The following ZC3H13 variants were observed in gnomAD, a reference collection of about 807,000 sequenced individuals.
ZC3H13 encodes the protein zinc finger CCCH-type containing 13.
Under a neutral mutation model 204.1 loss-of-function variants are expected in ZC3H13, and 64 were observed. That is an observed-to-expected ratio of 0.31 (90% CI 0.26 to 0.39). The LOEUF is 0.39. Ranked by LOEUF, ZC3H13 falls within the 10% of genes least tolerant of loss-of-function variation. The pLI is 1.00. For missense variants in ZC3H13, 1,833 were observed against 2,082.7 expected (o/e 0.88, Z 2.33); for synonymous variants, 667 against 693.7 (o/e 0.96, Z 0.60).
intron 18 of ZC3H13, among the ~76,000 whole-genome samples, chr13:45,958,508 C>T (rs925606837): frequency 4.6e-5 from 7 of 152,122 alleles, no homozygotes; most frequent in Non-Finnish European, 1.0e-4. Context: ...TTGAGCATCC[C>T]TATCTAAGAA....
At chr13:45,983,411 A>ATT (rs1566202037) in intron 10 of ZC3H13, among the ~76,000 whole-genome samples, 7 of 20,642 alleles carry the variant, frequency 3.4e-4, no homozygotes, top group Admixed American at 7.7e-4. Flanking sequence ...TTATATATAT[A>ATT]TATTTTTTTT....
At chr13:45,984,220 C>G (rs1029574467) in intron 10 of ZC3H13, among the ~76,000 whole-genome samples, 1 of 152,010 alleles carries the variant, frequency 6.6e-6, no homozygotes, top group Non-Finnish European at 1.5e-5. Context: ...TTTTGTAAAA[C>G]CAGAGGGGAA....
At chr13:46,038,108 G>C (rs981297176) in intron 4 of ZC3H13, among the ~76,000 whole-genome samples, 1 of 152,130 alleles carries the variant, frequency 6.6e-6, no homozygotes, top group Non-Finnish European at 1.5e-5. Flanking sequence ...TTTCTCTATT[G>C]CTAAACTGTG....
Position 46,052,738 on chromosome 13 carries a change from CAG to C in ZC3H13, c.-346_-345del. The stretch of plus-strand genomic sequence containing the variant: ...ACCGCCTCAAAATGCCGCCGGAAGT[CAG>C]AGGTTTGCCCTGTTCCTCTGTAGAC... On this transcript the variant is annotated 5_prime_UTR_variant, in exon 1 of 19. Transcript: ENST00000679008. The C allele has an allele frequency of 2.5e-6, 1 of 397,386 alleles. No individual in the cohort carries two copies. The highest frequency in any genetic ancestry group is 4.4e-6 in the Non-Finnish European group (1 of 225,490). The allele number at this position is 397,386 out of a possible 1,614,324, so 24.6% of individuals were successfully genotyped here. A position where few individuals can be genotyped will look rare whatever the true frequency, so the allele number is the denominator to read the frequency against.
chr13:46,011,575 A>G (rs1461603162), intron 5 of ZC3H13, 21 bp from the exon 6 acceptor site: 1 of 1,525,736 alleles, frequency 6.6e-7, no homozygotes, highest in Admixed American at 2.1e-5. Context: ...AAATTGCATT[A>G]CTGTTAGAAA....
rs2041472165 is a variant in ZC3H13 at position 46,010,466 on chromosome 13, G to A, written c.628C>T (p.Pro210Ser). Residue 210 changes from proline (P) to serine (S), a missense_variant, in exon 7 of 19, where the codon CCT (proline) becomes TCT (serine). Around this residue, in one of 5 missense-constraint regions of ZC3H13, gnomAD observed 1,574 missense variants for 1,757.2 expected, o/e 0.90. Coordinates refer to ENST00000679008, the MANE Select transcript of ZC3H13 (RefSeq NM_001330564.2). ...EVVRSKLSPS[P>S]SLRKSSKSPK... is the part of the protein sequence containing the mutation. ...GATTTGCTAGACTTTCTTAGAGAAGGTGACGGGGACAATTTTGATCTAACC... is the reference window on the plus strand; with the variant it reads ...GATTTGCTAGACTTTCTTAGAGAAGATGACGGGGACAATTTTGATCTAACC... The A allele has an allele frequency of 6.2e-7, 1 of 1,613,668 alleles. No individual in the cohort carries two copies. The highest frequency in any genetic ancestry group is 1.3e-5 in the African/African-American group (1 of 75,002).
chr13:46,020,781 A>G (rs1274218162), intron 4 of ZC3H13, among the ~76,000 whole-genome samples: 3 of 152,112 alleles, frequency 2.0e-5, no homozygotes, highest in African/African-American at 7.2e-5. Context: ...ACTACTAAAC[A>G]ACAAAAACTA....
chr13:46,003,342 G>T lies in ZC3H13; in HGVS notation c.747-6C>A. ...TTTGGTTGGTTTTTGAATTTCTGAA[G>T]GTAACAAAAAGCTATCATTAGAGGT... On this transcript the variant is annotated splice_region_variant and splice_polypyrimidine_tract_variant and intron_variant, in intron 7 of 18. Coordinates refer to ENST00000679008, the MANE Select transcript of ZC3H13 (RefSeq NM_001330564.2). 1 of 1,602,494 alleles carries T rather than the reference G, an allele frequency of 6.2e-7. No homozygotes were observed. Among genetic ancestry groups the T allele is most frequent in the East Asian group, 2.2e-5 (1 of 44,708 alleles).
At chr13:45,979,713 A>G in intron 11 of ZC3H13, 100 bp downstream of exon 11, 9 of 1,195,488 alleles carry the variant, frequency 7.5e-6, no homozygotes, top group Non-Finnish European at 1.0e-5. Flanking sequence ...CACAAGCCTT[A>G]AAGTATATTT....
Position 45,969,460 on chromosome 13 carries a change from TTTC to T in ZC3H13, c.3081_3083del (p.Lys1028del), listed in dbSNP as rs774599452. 6.2e-7 allele frequency: 1 copy of T among 1,613,492 alleles called. No homozygotes were observed. Among genetic ancestry groups the T allele is most frequent in the East Asian group, 2.2e-5 (1 of 44,872 alleles). On this transcript the variant is annotated inframe_deletion, in exon 14 of 19. Transcript: ENST00000679008. ...TTATAGGGGGAGTCCGTGGGCCTCT[TTTC>T]TTCTTACTTTGCTGGGCTGCTTCTT...
chr13:46,043,688 AAG>A (rs1390731182), intron 3 of ZC3H13, among the ~76,000 whole-genome samples: 1 of 152,018 alleles, frequency 6.6e-6, no homozygotes, highest in African/African-American at 2.4e-5. Context: ...ACAAATACGA[AAG>A]AAGTTATCAG....
Position 45,985,519 on chromosome 13 carries a change from A to G in ZC3H13, c.1498T>C (p.Ser500Pro). Residue 500 changes from serine to proline, a missense_variant, in exon 10 of 19, where the codon TCC (serine) becomes CCC (proline). Physicochemically the swap from Ser to Pro is moderately conservative, Grantham distance 74. Transcript: ENST00000679008. ...CTGTAGTCATGGGCATCACGAGTGG[A>G]CCGAGAATCTCTGGGATCACGGCTC... is the stretch of plus-strand genomic sequence containing the variant. Reference protein sequence around the residue: ...KESRDPRDSRSTRDAHDYRDR... With the variant: ...KESRDPRDSRPTRDAHDYRDR... 6.2e-7 allele frequency: 1 copy of G among 1,614,174 alleles called. No individual in the cohort carries two copies. Among genetic ancestry groups the G allele is most frequent in the Non-Finnish European group, 8.5e-7 (1 of 1,180,024 alleles).
intron 5 of ZC3H13, among the ~76,000 whole-genome samples, chr13:46,018,443 G>A (rs1293279610): frequency 6.6e-6 from 1 of 152,084 alleles, no homozygotes; most frequent in Admixed American, 6.6e-5. Context: ...AGATATAGAA[G>A]AGAGTGTATC....
chr13:46,014,523 T>C (rs972805144), intron 5 of ZC3H13, among the ~76,000 whole-genome samples: 5 of 152,256 alleles, frequency 3.3e-5, no homozygotes, highest in African/African-American at 1.2e-4. Flanking sequence ...ATGCTAATTA[T>C]ATTTAACCTT....
At chr13:45,992,727 A>T (rs2040051709) in intron 8 of ZC3H13, among the ~76,000 whole-genome samples, 1 of 152,192 alleles carries the variant, frequency 6.6e-6, no homozygotes, top group Non-Finnish European at 1.5e-5. Context: ...TGAAATCAGT[A>T]AACTGAGTAA....
chr13:45,969,340 A>G lies in ZC3H13; in HGVS notation c.3204T>C (p.Ser1068=). Residue 1068 remains serine (S), a synonymous_variant, in exon 14 of 19, where the codon TCT becomes TCC. Coordinates refer to ENST00000679008, the MANE Select transcript of ZC3H13 (RefSeq NM_001330564.2). The stretch of plus-strand genomic sequence containing the variant: ...CTGTACGGTCAGGGACATCCTCATC[A>G]GACCAGTCACTGAATGCTGTATCTT... ...KKEDTAFSDW[S]DEDVPDRTEV... 6.2e-7 allele frequency: 1 copy of G among 1,614,014 alleles called. No homozygotes were observed. The highest frequency in any genetic ancestry group is 1.1e-5 in the South Asian group (1 of 91,082).
rs1252594724 is a variant in ZC3H13 at position 45,959,650 on chromosome 13, T to C, written c.4676-4A>G. The C allele has an allele frequency of 6.6e-7, 1 of 1,506,044 alleles. No individual in the cohort carries two copies. Among genetic ancestry groups the C allele is most frequent in the East Asian group, 2.5e-5 (1 of 39,286 alleles). 93.3% of individuals were successfully genotyped at this position (1,506,044 alleles called of 1,614,324 possible). A position where few individuals can be genotyped will look rare whatever the true frequency, so the allele number is the denominator to read the frequency against. ...TGTTCAAAGAGATTGTCTGCATCTTTCAAAAAAAAGTAAACATGCATTAAG... is the reference window on the plus strand; with the variant it reads ...TGTTCAAAGAGATTGTCTGCATCTTCCAAAAAAAAGTAAACATGCATTAAG... On this transcript the variant is annotated splice_region_variant and splice_polypyrimidine_tract_variant and intron_variant, in intron 17 of 18. Transcript: ENST00000679008.
At chr13:46,013,190 C>G (rs1338294850) in intron 5 of ZC3H13, among the ~76,000 whole-genome samples, 1 of 152,014 alleles carries the variant, frequency 6.6e-6, no homozygotes, top group African/African-American at 2.4e-5. Flanking sequence ...CCGAGGAGGG[C>G]GGATCATCAG....
At chr13:45,973,167 G>A (rs1952728192) in intron 12 of ZC3H13, among the ~76,000 whole-genome samples, 1 of 152,064 alleles carries the variant, frequency 6.6e-6, no homozygotes, top group Non-Finnish European at 1.5e-5. Context: ...CTGACAGACT[G>A]GAATAAAGTG....
Sources: gnomAD v4.1 joint callset for allele counts (sites outside exome capture counted in the v4.1 genomes callset) on GRCh38, gnomAD v4.1.1 for gene constraint, gnomAD v4.1.1 regional missense constraint, MANE v1.5 for transcripts, NCBI Gene and HGNC (gene_info 2026-07-23, HGNC 2026-07-21) for gene names.